The following SAMD12 variants were observed in gnomAD, a reference collection of about 807,000 sequenced individuals.
SAMD12 encodes sterile alpha motif domain containing 12, also known as sterile alpha motif domain-containing protein 12.
SAMD12 carries 9 observed loss-of-function variants against 15.0 expected under a neutral mutation model. That is an observed-to-expected ratio of 0.60 (90% CI 0.36 to 1.05). The LOEUF is 1.05. Ranked by LOEUF, SAMD12 falls within the 50% of genes least tolerant of loss-of-function variation. The pLI, the probability that SAMD12 is intolerant of heterozygous loss-of-function variation, is 0.01. For synonymous variants in SAMD12, 86 were observed against 90.1 expected (o/e 0.96, Z 0.25); for missense variants, 230 against 234.2 (o/e 0.98, Z 0.12).
chr8:118,175,454 C>A, the SAMD12 span, among the ~76,000 whole-genome samples: 1 of 152,198 alleles, frequency 6.6e-6, no homozygotes, highest in South Asian at 2.1e-4. Flanking sequence ...ATGACAAAGA[C>A]TCCAAAAGCG....
At chr8:118,171,013 G>T in the SAMD12 span, among the ~76,000 whole-genome samples, 1 of 152,116 alleles carries the variant, frequency 6.6e-6, no homozygotes, top group Non-Finnish European at 1.5e-5. Flanking sequence ...TTGGTCAAAA[G>T]ATATGAATAG....
chr8:118,227,882 C>G (rs1368192259), intron 4 of SAMD12, among the ~76,000 whole-genome samples: 1 of 152,156 alleles, frequency 6.6e-6, no homozygotes, highest in Non-Finnish European at 1.5e-5. Flanking sequence ...TGATTTCAAA[C>G]TATACTACAA....
chr8:118,137,929 T>TC, the SAMD12 span, among the ~76,000 whole-genome samples: 1 of 151,510 alleles, frequency 6.6e-6, no homozygotes, highest in Non-Finnish European at 1.5e-5. Context: ...AGAAAGCATT[T>TC]TTTTTTTTTA....
intron 4 of SAMD12, among the ~76,000 whole-genome samples, chr8:118,344,943 T>C (rs186887226): frequency 2.0e-5 from 3 of 152,294 alleles, no homozygotes; most frequent in African/African-American, 7.2e-5. Context: ...TATATTTTTA[T>C]ATATTTAGTG....
intron 4 of SAMD12, among the ~76,000 whole-genome samples, chr8:118,316,813 AAAG>A (rs1158098366): frequency 1.5e-5 from 2 of 137,772 alleles, no homozygotes; most frequent in African/African-American, 3.1e-5. Context: ...TAATTAAAAA[AAAG>A]TTTTTTTTTT....
intron 2 of SAMD12, among the ~76,000 whole-genome samples, chr8:118,553,872 G>A (rs1325594683): frequency 6.7e-6 from 1 of 149,352 alleles, no homozygotes; most frequent in African/African-American, 2.5e-5. Flanking sequence ...AGTGGGCGAA[G>A]GACATGAACA....
chr8:118,255,623 C>T (rs1248623103), intron 4 of SAMD12, among the ~76,000 whole-genome samples: 11 of 149,434 alleles, frequency 7.4e-5, no homozygotes, highest in Admixed American at 4.7e-4. Flanking sequence ...TTTGTCCTTG[C>T]GATAGTTTAC....
chr8:118,256,779 TAC>T (rs3052764), intron 4 of SAMD12, among the ~76,000 whole-genome samples: 2,763 of 139,788 alleles, frequency 0.02, 36 homozygotes, highest in South Asian at 0.081. Context: ...CTGCATAAGA[TAC>T]ACACACACAC....
At chr8:118,546,203 T>A (rs1455930671) in intron 2 of SAMD12, among the ~76,000 whole-genome samples, 1 of 152,108 alleles carries the variant, frequency 6.6e-6, no homozygotes, top group African/African-American at 2.4e-5. Context: ...CCTTAGGTGG[T>A]CAGGCAAGGC....
chr8:118,548,418 CACACA>C (rs780612745), intron 2 of SAMD12, among the ~76,000 whole-genome samples: 5,583 of 145,366 alleles, frequency 0.038, 162 homozygotes, highest in Non-Finnish European at 0.052. Flanking sequence ...CACACACACA[CACACA>C]CCCCATGTGA....
intron 1 of SAMD12, among the ~76,000 whole-genome samples, chr8:118,581,418 C>T (rs1827293894): frequency 6.6e-6 from 1 of 152,142 alleles, no homozygotes; most frequent in South Asian, 2.1e-4. Context: ...TTACATATGA[C>T]AGATGTTACC....
intron 3 of SAMD12, among the ~76,000 whole-genome samples, chr8:118,393,590 AT>A (rs990803223): frequency 2.6e-4 from 38 of 145,018 alleles, no homozygotes; most frequent in African/African-American, 9.2e-4. Flanking sequence ...ATACCCATGC[AT>A]TTTTTTCTTT....
chr8:118,359,278 T>C (rs571230506), intron 4 of SAMD12, among the ~76,000 whole-genome samples: 6 of 152,266 alleles, frequency 3.9e-5, no homozygotes, highest in Admixed American at 1.3e-4. Context: ...AAGTTGGACA[T>C]AGACAAGCCA....
chr8:118,352,182 A>C (rs141301720), intron 4 of SAMD12, among the ~76,000 whole-genome samples: 1 of 152,360 alleles, frequency 6.6e-6, no homozygotes, highest in East Asian at 1.9e-4. Flanking sequence ...TGAAGCAGTC[A>C]TCCAACAACT....
intron 2 of SAMD12, among the ~76,000 whole-genome samples, chr8:118,546,678 A>G (rs1279310235): frequency 6.6e-6 from 1 of 152,098 alleles, no homozygotes; most frequent in Non-Finnish European, 1.5e-5. Flanking sequence ...CACCTCTCTA[A>G]CCCCGCATTC....
At chr8:118,602,927 GAAAAT>G (rs1378912918) in intron 1 of SAMD12, among the ~76,000 whole-genome samples, 1 of 151,854 alleles carries the variant, frequency 6.6e-6, no homozygotes, top group East Asian at 1.9e-4. Context: ...AGTACACTAA[GAAAAT>G]AAAAATATCA....
rs139138570 is a variant in SAMD12 at position 118,539,364 on chromosome 8, A to G, written c.192+41351T>C. Among the ~76,000 whole-genome samples the G allele has an allele frequency of 3.3e-5, 5 of 152,342 alleles. No individual in the cohort carries two copies. The East Asian group carries it at 9.6e-4, about 29-fold the overall frequency. ...CTGGCATAGAACATGAGTGATAATTACCCTAGAAGAAGAGTATGGCTGACT... is the reference window on the plus strand; with the variant it reads ...CTGGCATAGAACATGAGTGATAATTGCCCTAGAAGAAGAGTATGGCTGACT... On this transcript the variant is annotated intron_variant, in intron 2 of 3. Transcript: ENST00000314727.
intron 2 of SAMD12, among the ~76,000 whole-genome samples, chr8:118,474,536 A>G (rs1586746674): frequency 6.7e-6 from 1 of 148,988 alleles, no homozygotes; most frequent in South Asian, 2.1e-4. Context: ...ACCTGCCACC[A>G]TGCCCAGCTA....
intron 2 of SAMD12, among the ~76,000 whole-genome samples, chr8:118,541,406 C>A (rs917206811): frequency 4.6e-5 from 7 of 152,190 alleles, no homozygotes; most frequent in African/African-American, 1.4e-4. Flanking sequence ...AGTTGACTTA[C>A]ACATCAGTGT....
Sources: gnomAD v4.1 joint callset for allele counts (sites outside exome capture counted in the v4.1 genomes callset) on GRCh38, gnomAD v4.1.1 for gene constraint, MANE v1.5 for transcripts, NCBI Gene and HGNC (gene_info 2026-07-23, HGNC 2026-07-21) for gene names.